The following SLC4A10 variants were observed in gnomAD, a reference collection of about 807,000 sequenced individuals.
SLC4A10 encodes the protein sodium-driven chloride bicarbonate exchanger.
In SLC4A10, 42 loss-of-function variants were observed where a neutral mutation model predicts 137.7. That is an observed-to-expected ratio of 0.30 (90% CI 0.24 to 0.39). The LOEUF is 0.39. Ranked by LOEUF, SLC4A10 falls within the 10% of genes least tolerant of loss-of-function variation. The pLI, the probability that SLC4A10 is intolerant of heterozygous loss-of-function variation, is 1.00. For synonymous variants in SLC4A10, 474 were observed against 464.1 expected (o/e 1.02, Z -0.27); for missense variants, 925 against 1,355.0 (o/e 0.68, Z 4.98).
At chr2:161,766,373 A>G (rs989049634) in intron 1 of SLC4A10, among the ~76,000 whole-genome samples, 1 of 152,152 alleles carries the variant, frequency 6.6e-6, no homozygotes. Flanking sequence ...AATTATTTGT[A>G]TAAATTAAAA....
At chr2:161,787,787 A>G (rs1010972903) in intron 2 of SLC4A10, among the ~76,000 whole-genome samples, 1 of 152,108 alleles carries the variant, frequency 6.6e-6, no homozygotes, top group African/African-American at 2.4e-5. Flanking sequence ...TTATAAATAT[A>G]GCTATCTTGT....
chr2:161,855,027 T>C lies in SLC4A10; in HGVS notation c.474T>C (p.Tyr158=), dbSNP rs1559394653. ...EDGGERWSKP[Y]VATLSLHSLF... ...GAGGAGAAAGGTGGAGCAAGCCTTA[T>C]GTGGCTACTCTTTCATTGCACAGCT... The change falls in exon 5 of 27, where the codon TAT becomes TAC. Residue 158 remains tyrosine, a synonymous_variant. Transcript: ENST00000446997. 1.9e-6 allele frequency: 3 copies of C among 1,613,486 alleles called. No individual in the cohort carries two copies. Among genetic ancestry groups the C allele is most frequent in the South Asian group, 1.1e-5 (1 of 91,012 alleles).
intron 2 of SLC4A10, among the ~76,000 whole-genome samples, chr2:161,784,517 A>G (rs182951869): frequency 3.4e-4 from 51 of 152,016 alleles, no homozygotes; most frequent in African/African-American, 1.2e-3. Context: ...ATGTTTTAAA[A>G]ATTTAAAGTG....
chr2:161,893,724 G>A (rs959440483), intron 10 of SLC4A10, among the ~76,000 whole-genome samples: 9 of 151,554 alleles, frequency 5.9e-5, no homozygotes, highest in Admixed American at 3.3e-4. Context: ...AAAAATATTC[G>A]AGGGGGGGAC....
At chr2:161,642,572 T>C (rs777579758) in intron 1 of SLC4A10, among the ~76,000 whole-genome samples, 9 of 152,056 alleles carry the variant, frequency 5.9e-5, no homozygotes, top group Non-Finnish European at 1.0e-4. Flanking sequence ...ATGGTTCATA[T>C]ATTAATGAAT....
At position 161,947,569 on chromosome 2, in the gene SLC4A10, T is replaced by C; in HGVS notation, c.2107T>C (p.Cys703Arg). ...TTTGTTTTACTTCCTCTGGCAGGAA[T>C]GCAAATCATTGCATGGAGAGTATGT... ...IIWENLTVSECKSLHGEYVGR... is the reference protein window; with the variant it reads ...IIWENLTVSERKSLHGEYVGR... The change falls in exon 17 of 27, where the codon TGC becomes CGC. Residue 703 changes from cysteine to arginine, a missense_variant. Transcript: ENST00000446997. 2.5e-6 allele frequency: 4 copies of C among 1,608,176 alleles called. No homozygotes were observed. Among genetic ancestry groups the C allele is most frequent in the Non-Finnish European group, 3.4e-6 (4 of 1,177,970 alleles).
chr2:161,883,521 T>A (rs1292287555), intron 10 of SLC4A10, among the ~76,000 whole-genome samples: 1 of 152,192 alleles, frequency 6.6e-6, no homozygotes. Context: ...GGAACCAACT[T>A]AATGAGTGTA....
intron 15 of SLC4A10, among the ~76,000 whole-genome samples, chr2:161,934,591 G>T (rs796993060): frequency 6.6e-6 from 1 of 151,830 alleles, no homozygotes; most frequent in Non-Finnish European, 1.5e-5. Context: ...AGGTTGCTTC[G>T]AAATCTTGGC....
intron 15 of SLC4A10, among the ~76,000 whole-genome samples, chr2:161,939,781 T>C (rs1692336044): frequency 6.6e-6 from 1 of 152,092 alleles, no homozygotes; most frequent in Non-Finnish European, 1.5e-5. Flanking sequence ...TCTATAATTA[T>C]AGAATGTAAA....
chr2:161,804,154 A>G (rs1303280610), intron 2 of SLC4A10, among the ~76,000 whole-genome samples: 1 of 152,108 alleles, frequency 6.6e-6, no homozygotes, highest in African/African-American at 2.4e-5. Flanking sequence ...TTTTTTTCTA[A>G]TGAGAAGAGT....
At chr2:161,830,293 C>A (rs1416651720) in intron 3 of SLC4A10, among the ~76,000 whole-genome samples, 2 of 152,132 alleles carry the variant, frequency 1.3e-5, no homozygotes, top group East Asian at 3.9e-4. Context: ...CTCTTTAATG[C>A]AGTTAACTAA....
intron 1 of SLC4A10, among the ~76,000 whole-genome samples, chr2:161,714,817 G>A (rs886761086): frequency 4.6e-5 from 7 of 151,768 alleles, no homozygotes; most frequent in Admixed American, 3.9e-4. Context: ...ACACTAATAC[G>A]TTAATCTCTA....
At chr2:161,931,087 C>G (rs1438814699) in intron 15 of SLC4A10, 1 of 152,178 alleles carries the variant, frequency 6.6e-6, no homozygotes, top group African/African-American at 2.4e-5. Flanking sequence ...TGCACCACCA[C>G]GCCTGGCTAA....
At chr2:161,967,847 C>T (rs1185946373) in intron 23 of SLC4A10, among the ~76,000 whole-genome samples, 3 of 151,830 alleles carry the variant, frequency 2.0e-5, no homozygotes, top group Non-Finnish European at 2.9e-5. Flanking sequence ...TCACAGTCTC[C>T]GAGAACCTAT....
At chr2:161,680,862 G>A (rs1190300790) in intron 1 of SLC4A10, among the ~76,000 whole-genome samples, 1 of 152,062 alleles carries the variant, frequency 6.6e-6, no homozygotes, top group Admixed American at 6.6e-5. Context: ...TCAGACAGGA[G>A]GCTTTCACAG....
At chr2:161,958,786 A>G (rs1281332018) in intron 21 of SLC4A10, among the ~76,000 whole-genome samples, 1 of 152,200 alleles carries the variant, frequency 6.6e-6, no homozygotes, top group East Asian at 1.9e-4. Flanking sequence ...AAACTGTAAG[A>G]GGCTTAGATT....
chr2:161,956,714 C>T (rs975203424), intron 19 of SLC4A10, among the ~76,000 whole-genome samples: 1 of 152,186 alleles, frequency 6.6e-6, no homozygotes, highest in Non-Finnish European at 1.5e-5. Context: ...AGTGCTGAAA[C>T]TGAAGCAAAT....
chr2:161,895,855 T>C (rs2063435805), intron 11 of SLC4A10, among the ~76,000 whole-genome samples: 2 of 152,052 alleles, frequency 1.3e-5, no homozygotes. Context: ...TTCTTCCATT[T>C]TGTAGGTTGC....
At chr2:161,935,696 G>A (rs1187429254) in intron 15 of SLC4A10, among the ~76,000 whole-genome samples, 1 of 152,066 alleles carries the variant, frequency 6.6e-6, no homozygotes, top group Admixed American at 6.5e-5. Flanking sequence ...TGTTGTTAGG[G>A]TGTTAAAGTG....
Sources: allele counts gnomAD v4.1 joint callset (sites outside exome capture counted in the v4.1 genomes callset), GRCh38; gene constraint gnomAD v4.1.1; transcripts MANE v1.5; gene names NCBI Gene and HGNC (gene_info 2026-07-23, HGNC 2026-07-21).